Variants in EFCAB13 observed in about 807,000 individuals in gnomAD.
EFCAB13 encodes the protein EF-hand calcium binding domain 13.
In EFCAB13, 91 loss-of-function variants were observed where a neutral mutation model predicts 110.2. That is an observed-to-expected ratio of 0.83 (90% confidence interval 0.70 to 0.98). The LOEUF is 0.98. EFCAB13 is among the 50% of genes least tolerant of loss of function. EFCAB13 has a pLI of 0.00. For missense variants in EFCAB13, 968 were observed against 1,119.4 expected (o/e 0.86, Z 1.93); for synonymous variants, 323 against 369.9 (o/e 0.87, Z 1.45).
chr17:47,342,603 CT>C (rs2065392099), intron 6 of EFCAB13, among the ~76,000 whole-genome samples: 2 of 152,174 alleles, frequency 1.3e-5, no homozygotes, highest in Admixed American at 1.3e-4. Context: ...GGTATATATC[CT>C]TTTTTCCCCT....
intron 15 of EFCAB13, among the ~76,000 whole-genome samples, chr17:47,392,428 A>T (rs1598746963): frequency 6.6e-6 from 1 of 152,088 alleles, no homozygotes; most frequent in African/African-American, 2.4e-5. Context: ...ACTCTTGAAG[A>T]AGAACATTTG....
intron 14 of EFCAB13, among the ~76,000 whole-genome samples, chr17:47,385,042 A>G (rs772915963): frequency 1.2e-4 from 19 of 152,180 alleles, no homozygotes; most frequent in Non-Finnish European, 2.6e-4. Flanking sequence ...AAGTGCTGGA[A>G]TTACAGGCGT....
intron 14 of EFCAB13, among the ~76,000 whole-genome samples, chr17:47,379,998 G>A (rs2065637878): frequency 6.6e-6 from 1 of 152,148 alleles, no homozygotes; most frequent in Admixed American, 6.5e-5. Context: ...GATGTAAGTG[G>A]TGAAGTGTCT....
At chr17:47,337,275 G>A (rs1348638201) in intron 5 of EFCAB13, among the ~76,000 whole-genome samples, 2 of 152,150 alleles carry the variant, frequency 1.3e-5, no homozygotes, top group African/African-American at 4.8e-5. Context: ...CAAAAGAATG[G>A]GGTACAGTGC....
chr17:47,427,516 T>G (rs1209085352), intron 23 of EFCAB13, among the ~76,000 whole-genome samples: 10 of 152,102 alleles, frequency 6.6e-5, no homozygotes, highest in African/African-American at 2.4e-4. Context: ...TTAATTCCTT[T>G]TTTTAAAGAA....
At chr17:47,376,577 C>A (rs2065616486) in intron 12 of EFCAB13, among the ~76,000 whole-genome samples, 1 of 152,102 alleles carries the variant, frequency 6.6e-6, no homozygotes, top group Non-Finnish European at 1.5e-5. Flanking sequence ...TTAAAAAATT[C>A]TAACTTTTCA....
At chr17:47,409,278 GATAGTAT>G in intron 20 of EFCAB13, 1 of 181,636 alleles carries the variant, frequency 5.5e-6, no homozygotes, top group Non-Finnish European at 1.2e-5. Context: ...TCTGGGACTA[GATAGTAT>G]ATAGGTAGGT....
In EFCAB13 at chr17:47,364,409, G is replaced by A. The variant is rs12451742; in HGVS notation, c.805+2888G>A. On this transcript the variant is annotated intron_variant, in intron 10 of 24. Coordinates refer to ENST00000331493, the MANE Select transcript of EFCAB13 (RefSeq NM_152347.5). Reference sequence around the variant, plus strand: ...GCTCACTGCAACCTCCGACTCCCTGGTTCAAGTGGTTCTCCTGCCTCAGCC... The same window carrying A: ...GCTCACTGCAACCTCCGACTCCCTGATTCAAGTGGTTCTCCTGCCTCAGCC... Among the ~76,000 whole-genome samples the A allele has an allele frequency of 7.8e-3, 1,189 of 151,858 alleles. 48 individuals carry two copies. Among genetic ancestry groups the A allele is most frequent in the Admixed American group, 0.072 (1,095 of 15,246 alleles).
At chr17:47,389,727 T>C (rs1466806337) in intron 14 of EFCAB13, among the ~76,000 whole-genome samples, 35 of 152,132 alleles carry the variant, frequency 2.3e-4, no homozygotes, top group Non-Finnish European at 1.0e-4. Flanking sequence ...GCATTCCATG[T>C]GGTATTGGAT....
chr17:47,422,411 AAAGAT>A (rs1904753317), intron 23 of EFCAB13, among the ~76,000 whole-genome samples: 1 of 152,206 alleles, frequency 6.6e-6, no homozygotes, highest in African/African-American at 2.4e-5. Context: ...ACAGAATAAG[AAAGAT>A]AAGGATTAAA....
Position 47,391,599 on chromosome 17 carries a change from G to C in EFCAB13, c.1726+19G>C. Reference sequence around the variant, plus strand: ...GCTGGTGGTGAGTGATATATTTTCAGGCAAACTGCATTGACACATCTGGAA... The same window carrying C: ...GCTGGTGGTGAGTGATATATTTTCACGCAAACTGCATTGACACATCTGGAA... On this transcript the variant is annotated intron_variant, in intron 15 of 24. Transcript: ENST00000331493. 1 of 1,546,462 alleles carries C rather than the reference G, an allele frequency of 6.5e-7. No individual in the cohort carries two copies. The highest frequency in any genetic ancestry group is 8.7e-7 in the Non-Finnish European group (1 of 1,154,094).
intron 16 of EFCAB13, 34 bp downstream of exon 16, chr17:47,394,133 G>A: frequency 1.5e-6 from 2 of 1,353,190 alleles, no homozygotes; most frequent in South Asian, 1.6e-5. Context: ...TGCTTTTTGT[G>A]GACCAAATAG....
chr17:47,409,795 G>T, intron 21 of EFCAB13, 104 bp downstream of exon 21: 1 of 872,236 alleles, frequency 1.1e-6, no homozygotes, highest in Non-Finnish European at 1.9e-6. Flanking sequence ...GCTGACTTCA[G>T]CCAGATTACT....
intron 8 of EFCAB13, 53 bp from the exon 9 acceptor site, chr17:47,347,755 G>A (rs554271269): frequency 1.6e-4 from 202 of 1,285,312 alleles, no homozygotes; most frequent in Middle Eastern, 4.2e-4. Flanking sequence ...GGGGGAATAA[G>A]GATAATTATT....
At chr17:47,337,091 A>C (rs1453592689) in intron 5 of EFCAB13, among the ~76,000 whole-genome samples, 1 of 152,234 alleles carries the variant, frequency 6.6e-6, no homozygotes, top group East Asian at 1.9e-4. Context: ...CCTGTTTGTT[A>C]GATGGCAAAA....
At chr17:47,416,787 AT>A (rs1332173733) in intron 23 of EFCAB13, among the ~76,000 whole-genome samples, 4 of 152,244 alleles carry the variant, frequency 2.6e-5, no homozygotes, top group African/African-American at 9.6e-5. Context: ...TATAGCATGA[AT>A]TAGTACAATT....
chr17:47,380,716 T>G (rs1469545584), intron 14 of EFCAB13, among the ~76,000 whole-genome samples: 1 of 152,188 alleles, frequency 6.6e-6, no homozygotes, highest in Non-Finnish European at 1.5e-5. Flanking sequence ...AGCGTTCCTA[T>G]TTCTCCACAT....
intron 15 of EFCAB13, 110 bp downstream of exon 15, chr17:47,391,690 TTAAAC>T: frequency 9.3e-6 from 9 of 964,528 alleles, no homozygotes; most frequent in African/African-American, 1.7e-5. Context: ...AAAGTTAAAA[TTAAAC>T]TAATACAAAA....
At chr17:47,385,191 C>T (rs2065669609) in intron 14 of EFCAB13, among the ~76,000 whole-genome samples, 1 of 152,236 alleles carries the variant, frequency 6.6e-6, no homozygotes, top group Middle Eastern at 3.4e-3. Flanking sequence ...GTTGCCCTGT[C>T]TTGCTAGATT....
Sources: gnomAD v4.1 joint callset for allele counts (sites outside exome capture counted in the v4.1 genomes callset) on GRCh38, gnomAD v4.1.1 for gene constraint, MANE v1.5 for transcripts, NCBI Gene and HGNC (gene_info 2026-07-23, HGNC 2026-07-21) for gene names.